Variants in FRMPD4 observed in about 807,000 individuals in gnomAD.
FRMPD4 encodes the protein FERM and PDZ domain-containing protein 4.
Under a neutral mutation model 94.1 loss-of-function variants are expected in FRMPD4, and 22 were observed. The observed-to-expected ratio is 0.23, with a 90% CI of 0.17 to 0.33. FRMPD4 has a LOEUF of 0.33. Ranked by LOEUF, FRMPD4 falls within the 10% of genes least tolerant of loss-of-function variation. The probability of loss-of-function intolerance (pLI) is 1.00; values close to 1 mark genes in which losing one functional copy is unlikely to be tolerated. For synonymous variants in FRMPD4, 631 were observed against 548.6 expected (o/e 1.15, Z -2.10); for missense variants, 1,111 against 1,339.9 (o/e 0.83, Z 2.67).
chrX:12,557,476 G>A (rs1277414284), intron 2 of FRMPD4, among the ~76,000 whole-genome samples: 1 of 112,395 alleles, frequency 8.9e-6, no homozygotes, highest in Non-Finnish European at 1.9e-5. Context: ...CAGTTTTTCA[G>A]CTATTCTTGT....
intron 1 of FRMPD4, among the ~76,000 whole-genome samples, chrX:12,460,658 TTTC>T (rs1411545895): frequency 8.9e-6 from 1 of 112,188 alleles, no homozygotes; most frequent in African/African-American, 3.2e-5. Flanking sequence ...CTGTTGTTAT[TTTC>T]TTGTCAGTAT....
intron 3 of FRMPD4, among the ~76,000 whole-genome samples, chrX:11,898,530 C>T (rs2053916932): frequency 1.8e-5 from 2 of 111,623 alleles, no homozygotes; most frequent in Non-Finnish European, 3.8e-5. Context: ...CATCAATAAT[C>T]CAGGTGAGAC....
chrX:11,854,660 A>G (rs2053643952), intron 1 of FRMPD4, among the ~76,000 whole-genome samples: 1 of 112,515 alleles, frequency 8.9e-6, no homozygotes, highest in East Asian at 2.8e-4. Context: ...AAGTTCCAAA[A>G]TGATCTCCTT....
chrX:12,552,531 G>C (rs1430109502), intron 2 of FRMPD4, among the ~76,000 whole-genome samples: 1 of 111,214 alleles, frequency 9.0e-6, no homozygotes, highest in African/African-American at 3.3e-5. Context: ...TTGTCCTTAG[G>C]GTATATTCCA....
At chrX:12,643,598 T>C (rs1210811171) in intron 4 of FRMPD4, among the ~76,000 whole-genome samples, 1 of 111,344 alleles carries the variant, frequency 9.0e-6, no homozygotes, top group Non-Finnish European at 1.9e-5. Context: ...AAAAGCTATG[T>C]GTAGAGGAAG....
At chrX:12,702,497 G>T (rs1602347009) in intron 10 of FRMPD4, among the ~76,000 whole-genome samples, 1 of 111,806 alleles carries the variant, frequency 8.9e-6, no homozygotes, top group East Asian at 2.8e-4. Flanking sequence ...ACCTGTGTTT[G>T]GAAACACATG....
At chrX:12,559,254 G>A (rs943745963) in intron 2 of FRMPD4, among the ~76,000 whole-genome samples, 1 of 112,323 alleles carries the variant, frequency 8.9e-6, no homozygotes, top group Non-Finnish European at 1.9e-5. Context: ...GAAAGGATTA[G>A]GTCAAATGGA....
chrX:12,644,639 T>G (rs752412907), intron 4 of FRMPD4, among the ~76,000 whole-genome samples: 5 of 111,509 alleles, frequency 4.5e-5, no homozygotes, highest in Non-Finnish European at 7.5e-5. Flanking sequence ...ATAGCCCCAC[T>G]ACTCTGCCCA....
chrX:12,720,454 A>G (rs1044004222), intron 16 of FRMPD4, 80 bp from the exon 17 acceptor site: 4 of 1,012,055 alleles, frequency 4.0e-6, no homozygotes, highest in Admixed American at 4.4e-5. Context: ...AATGACAGAC[A>G]TCATGTAGAG....
intron 3 of FRMPD4, among the ~76,000 whole-genome samples, chrX:11,941,744 G>C (rs5933936): frequency 9.0e-6 from 1 of 111,182 alleles, no homozygotes; most frequent in African/African-American, 3.3e-5. Flanking sequence ...GAGACTAAAG[G>C]CATGGAAGTT....
intron 1 of FRMPD4, among the ~76,000 whole-genome samples, chrX:12,311,624 C>A (rs1475019027): frequency 2.7e-5 from 3 of 110,550 alleles, no homozygotes; most frequent in African/African-American, 9.9e-5. Flanking sequence ...TTTAATTTGC[C>A]TTAAAAATGT....
At chrX:12,377,748 C>G (rs1010736826) in intron 1 of FRMPD4, among the ~76,000 whole-genome samples, 1 of 112,545 alleles carries the variant, frequency 8.9e-6, no homozygotes, top group Non-Finnish European at 1.9e-5. Context: ...CTAGAAGTCG[C>G]GATGCTCGCA....
At chrX:11,846,484 C>A (rs2053577795) in intron 1 of FRMPD4, among the ~76,000 whole-genome samples, 1 of 109,661 alleles carries the variant, frequency 9.1e-6, no homozygotes, top group Non-Finnish European at 1.9e-5. Context: ...CAATGCCATC[C>A]CCATCAAGCT....
At position 12,332,060 on chromosome X, in the gene FRMPD4, A is replaced by AATATATAATTTATATT. The variant is rs1201231550; in HGVS notation, c.42-166571_42-166556dup. ...TATATACTATATATAAATTATATGTAATATATAATTTATATTATATATAAT... is the reference window on the plus strand; with the variant it reads ...TATATACTATATATAAATTATATGTAATATATAATTTATATTATATATAATTTATATTATATATAAT... On this transcript the variant is annotated intron_variant, in intron 1 of 16. Coordinates refer to ENST00000675598, the MANE Select transcript of FRMPD4 (RefSeq NM_001368397.1). Among the ~76,000 whole-genome samples the AATATATAATTTATATT allele has an allele frequency of 4.6e-4, 34 of 73,848 alleles. 1 individual carries two copies. Among genetic ancestry groups the AATATATAATTTATATT allele is most frequent in the African/African-American group, 6.3e-4 (11 of 17,545 alleles). The allele number at this position is 73,848 out of a possible 115,157, so 64.1% of individuals were successfully genotyped here.
At chrX:12,103,013 C>T (rs982724045) in intron 3 of FRMPD4, among the ~76,000 whole-genome samples, 20 of 111,201 alleles carry the variant, frequency 1.8e-4, no homozygotes, top group Non-Finnish European at 5.7e-5. Context: ...TTGATTTATA[C>T]GTGAGAATGG....
At position 11,913,829 on chromosome X, in the gene FRMPD4, A is replaced by AG. The variant is rs765213959; in HGVS notation, c.95+35812dup. On this transcript the variant is annotated intron_variant, in intron 3 of 18. Transcript: ENST00000640291. Reference sequence around the variant, plus strand: ...TGTAGCTATGAAATCAAACTAGGGAAGAATGGCAAGGGGTGAAGATAATTG... The same window carrying AG: ...TGTAGCTATGAAATCAAACTAGGGAAGGAATGGCAAGGGGTGAAGATAATTG... Among the ~76,000 whole-genome samples, 13 of 112,396 alleles carry AG rather than the reference A, an allele frequency of 1.2e-4. No homozygotes were observed. The South Asian group carries it at 4.4e-3, about 38-fold the overall frequency.
chrX:11,849,403 A>C (rs919106984), intron 1 of FRMPD4, among the ~76,000 whole-genome samples: 1 of 111,701 alleles, frequency 9.0e-6, no homozygotes, highest in African/African-American at 3.2e-5. Context: ...CATTTTTTGA[A>C]AAAATAGAAA....
At chrX:12,602,399 T>C (rs1210226418) in intron 2 of FRMPD4, among the ~76,000 whole-genome samples, 2 of 111,031 alleles carry the variant, frequency 1.8e-5, no homozygotes, top group Non-Finnish European at 3.8e-5. Flanking sequence ...TGCTGAAGAA[T>C]AGACTGTGGG....
intron 1 of FRMPD4, among the ~76,000 whole-genome samples, chrX:12,156,578 G>C (rs1486372255): frequency 8.9e-6 from 1 of 112,151 alleles, no homozygotes; most frequent in Non-Finnish European, 1.9e-5. Flanking sequence ...GCTTCTCTGT[G>C]TTCCATATAC....
Sources: gnomAD v4.1 joint callset for allele counts (sites outside exome capture counted in the v4.1 genomes callset) on GRCh38, gnomAD v4.1.1 for gene constraint, MANE v1.5 for transcripts, NCBI Gene and HGNC (gene_info 2026-07-23, HGNC 2026-07-21) for gene names.